Variants in SPMIP4 observed in about 807,000 individuals in gnomAD.
The protein encoded by SPMIP4 is sperm microtubule inner protein 4, also known as sperm-associated microtubule inner protein 4.
At chr7:25,136,365 GTGGTC>G in the SPMIP4 span, 95 of 1,614,070 alleles carry the variant, frequency 5.9e-5, no homozygotes, top group African/African-American at 1.1e-3. The surrounding 1 kb of genome is among the most constrained non-coding windows in gnomAD (Gnocchi z 5.7). Context: ...AGTGAATCCA[GTGGTC>G]TGGTTTACAG....
chr7:25,162,495 T>G, the SPMIP4 span, among the ~76,000 whole-genome samples: 2 of 151,456 alleles, frequency 1.3e-5, no homozygotes, highest in Non-Finnish European at 2.9e-5. Context: ...AGAATAAACG[T>G]AGAAAAGGAA....
chr7:25,179,499 G>A, the SPMIP4 span: 1 of 459,054 alleles, frequency 2.2e-6, no homozygotes, highest in Non-Finnish European at 3.7e-6. Flanking sequence ...TAAGTTCTAT[G>A]GAAATAAATT....
the SPMIP4 span, among the ~76,000 whole-genome samples, chr7:25,155,566 G>A: frequency 2.0e-5 from 3 of 152,058 alleles, no homozygotes; most frequent in African/African-American, 7.2e-5. Flanking sequence ...ATTTTAAGAG[G>A]CTCCCAGGAA....
the SPMIP4 span, among the ~76,000 whole-genome samples, chr7:25,127,355 T>C: frequency 1.3e-5 from 2 of 152,186 alleles, no homozygotes; most frequent in Non-Finnish European, 2.9e-5. Flanking sequence ...CTAGATCTTA[T>C]AGGTGTACCT....
the SPMIP4 span, among the ~76,000 whole-genome samples, chr7:25,140,297 T>C: frequency 1.3e-5 from 2 of 152,308 alleles, no homozygotes; most frequent in East Asian, 3.9e-4. Flanking sequence ...GCTCAGTTTT[T>C]ATTTTATTTA....
chr7:25,178,037 C>G, the SPMIP4 span, among the ~76,000 whole-genome samples: 1 of 152,320 alleles, frequency 6.6e-6, no homozygotes, highest in South Asian at 2.1e-4. Flanking sequence ...TTAGCTCCCA[C>G]TTATAAGTCA....
At chr7:25,129,269 C>T in the SPMIP4 span, among the ~76,000 whole-genome samples, 3 of 152,332 alleles carry the variant, frequency 2.0e-5, no homozygotes, top group Non-Finnish European at 4.4e-5. Context: ...CCCCAGAGCA[C>T]TTTAGCCCAC....
the SPMIP4 span, among the ~76,000 whole-genome samples, chr7:25,162,293 AAAAAAAT>A: frequency 2.0e-5 from 3 of 150,952 alleles, no homozygotes; most frequent in Non-Finnish European, 4.4e-5. Flanking sequence ...AAAATTAATT[AAAAAAAT>A]AAAAAATAAA....
At chr7:25,142,808 T>G in the SPMIP4 span, 1 of 1,520,350 alleles carries the variant, frequency 6.6e-7, no homozygotes, top group East Asian at 2.4e-5. Context: ...TCAACACCTC[T>G]GGGAAACTAA....
the SPMIP4 span, chr7:25,151,676 A>C: frequency 8.6e-5 from 137 of 1,598,740 alleles, no homozygotes; most frequent in Non-Finnish European, 1.1e-4. Flanking sequence ...TCATATCTAT[A>C]AGGATTACCT....
the SPMIP4 span, among the ~76,000 whole-genome samples, chr7:25,149,542 G>C: frequency 6.6e-6 from 1 of 152,134 alleles, no homozygotes; most frequent in Non-Finnish European, 1.5e-5. Flanking sequence ...TTAATCATCA[G>C]AAATAAGAAA....
chr7:25,162,697 T>C, the SPMIP4 span, among the ~76,000 whole-genome samples: 7 of 152,228 alleles, frequency 4.6e-5, no homozygotes, highest in African/African-American at 1.2e-4. Flanking sequence ...TATAAATCAT[T>C]TGTGCTACAT....
the SPMIP4 span, among the ~76,000 whole-genome samples, chr7:25,141,982 C>T: frequency 2.6e-5 from 4 of 152,274 alleles, no homozygotes; most frequent in East Asian, 1.9e-4. Flanking sequence ...GTGATCTGTC[C>T]GCCTCGGCCT....
the SPMIP4 span, among the ~76,000 whole-genome samples, chr7:25,148,257 T>C: frequency 2.0e-5 from 3 of 152,210 alleles, no homozygotes; most frequent in South Asian, 6.2e-4. Flanking sequence ...GCTCTGGCAA[T>C]AGGAAAGGTA....
At chr7:25,147,625 A>G in the SPMIP4 span, among the ~76,000 whole-genome samples, 1 of 152,222 alleles carries the variant, frequency 6.6e-6, no homozygotes, top group Non-Finnish European at 1.5e-5. Context: ...CACTGTTAAC[A>G]TGAAGCCCCG....
At chr7:25,155,111 T>A in the SPMIP4 span, 5 of 1,613,322 alleles carry the variant, frequency 3.1e-6, no homozygotes, top group Non-Finnish European at 3.4e-6. Flanking sequence ...GGTCCTCAGG[T>A]GACGTGAAGG....
the SPMIP4 span, chr7:25,151,566 C>T: frequency 7.3e-7 from 1 of 1,375,490 alleles, no homozygotes; most frequent in East Asian, 2.3e-5. Context: ...TGTTACTTTC[C>T]TTTAAACACA....
the SPMIP4 span, among the ~76,000 whole-genome samples, chr7:25,163,400 G>A: frequency 1.3e-5 from 2 of 152,054 alleles, no homozygotes; most frequent in South Asian, 4.2e-4. The surrounding 1 kb of genome is among the most constrained non-coding windows in gnomAD (Gnocchi z 4.4). Flanking sequence ...TCCAGCCTCC[G>A]AATGGCCCTG....
chr7:25,169,217 C>T, the SPMIP4 span, among the ~76,000 whole-genome samples: 3 of 151,970 alleles, frequency 2.0e-5, no homozygotes, highest in Non-Finnish European at 4.4e-5. Context: ...TAGCAAGACC[C>T]TGTCTCTATT....
Sources: allele counts gnomAD v4.1 joint callset (sites outside exome capture counted in the v4.1 genomes callset), GRCh38; gene constraint gnomAD v4.1.1; non-coding constraint Gnocchi (gnomAD v3.1); transcripts MANE v1.5; gene names NCBI Gene and HGNC (gene_info 2026-07-23, HGNC 2026-07-21).